Variants in KDM4C observed in about 807,000 individuals in gnomAD.
The protein encoded by KDM4C is lysine demethylase 4C.
KDM4C carries 81 observed loss-of-function variants against 129.3 expected under a neutral mutation model. That is an observed-to-expected ratio of 0.63 (90% confidence interval 0.52 to 0.75). The LOEUF is 0.75. Among genes scored for constraint, KDM4C ranks in the 30% least tolerant of loss-of-function variants. The pLI is 0.00. For synonymous variants in KDM4C, 573 were observed against 456.1 expected (o/e 1.26, Z -3.26); for missense variants, 1,457 against 1,304.0 (o/e 1.12, Z -1.81).
intron 8 of KDM4C, among the ~76,000 whole-genome samples, chr9:6,902,181 T>A (rs1281899960): frequency 6.6e-6 from 1 of 152,222 alleles, no homozygotes; most frequent in Admixed American, 6.5e-5. Context: ...GTGTAATGTT[T>A]TGTACATATA....
intron 1 of KDM4C, among the ~76,000 whole-genome samples, chr9:6,745,194 G>C (rs916569145): frequency 3.3e-5 from 5 of 152,168 alleles, no homozygotes; most frequent in Non-Finnish European, 7.3e-5. Flanking sequence ...TCTTTGTTAT[G>C]ATAATGTTCC....
intron 5 of KDM4C, among the ~76,000 whole-genome samples, chr9:6,860,668 C>G (rs1468533486): frequency 6.6e-6 from 1 of 152,196 alleles, no homozygotes; most frequent in African/African-American, 2.4e-5. Flanking sequence ...GACATAGAGT[C>G]TGAGCCCAGC....
At chr9:6,789,121 C>A (rs1368581504) in intron 1 of KDM4C, among the ~76,000 whole-genome samples, 1 of 150,730 alleles carries the variant, frequency 6.6e-6, no homozygotes, top group African/African-American at 2.4e-5. Context: ...ACAGTCTTGG[C>A]TCACTGCACC....
At chr9:6,831,064 C>G (rs1400190146) in intron 4 of KDM4C, among the ~76,000 whole-genome samples, 1 of 152,106 alleles carries the variant, frequency 6.6e-6, no homozygotes, top group East Asian at 1.9e-4. Context: ...CTCACTTTTC[C>G]TTTTGTTAGA....
intron 17 of KDM4C, among the ~76,000 whole-genome samples, chr9:7,084,852 T>C (rs1218933911): frequency 2.0e-5 from 3 of 152,194 alleles, no homozygotes; most frequent in Non-Finnish European, 4.4e-5. Flanking sequence ...CAAGAACATA[T>C]GGGTTCAAGT....
intron 8 of KDM4C, among the ~76,000 whole-genome samples, chr9:6,927,137 A>ATCTATCTATCTG (rs1200002537): frequency 1.0e-4 from 15 of 143,192 alleles, no homozygotes; most frequent in African/African-American, 3.9e-4. Flanking sequence ...CTATCTATCT[A>ATCTATCTATCTG]TCTGTTTTTT....
intron 1 of KDM4C, among the ~76,000 whole-genome samples, chr9:6,777,765 G>A (rs1377684002): frequency 6.6e-6 from 1 of 151,978 alleles, no homozygotes; most frequent in Non-Finnish European, 1.5e-5. Flanking sequence ...TTCTTAACAA[G>A]CCATCCTCTA....
At chr9:6,854,355 G>A (rs544235832) in intron 5 of KDM4C, among the ~76,000 whole-genome samples, 9 of 151,806 alleles carry the variant, frequency 5.9e-5, no homozygotes, top group Middle Eastern at 3.4e-3. Flanking sequence ...AAGAAACCCC[G>A]TCTCTACTAA....
rs568404728 is a variant in KDM4C, at chr9:6,820,895, A to G, written c.435+6150A>G. Among the ~76,000 whole-genome samples the G allele has an allele frequency of 4.2e-3, 269 of 63,938 alleles. 1 individual carries two copies. Among genetic ancestry groups the G allele is most frequent in the South Asian group, 0.019 (35 of 1,850 alleles). 41.9% of individuals were successfully genotyped at this position (63,938 alleles called of 152,430 possible). A position where few individuals can be genotyped will look rare whatever the true frequency, so the allele number is the denominator to read the frequency against. On this transcript the variant is annotated intron_variant, in intron 4 of 21. Coordinates refer to ENST00000381309, the MANE Select transcript of KDM4C (RefSeq NM_015061.6). Reference sequence around the variant, plus strand: ...AGCCCCCCAACCCCCGACAGGCCCCAGTGTGTGATGTTCCCTGCCCTGTGT... The same window carrying G: ...AGCCCCCCAACCCCCGACAGGCCCCGGTGTGTGATGTTCCCTGCCCTGTGT...
intron 1 of KDM4C, among the ~76,000 whole-genome samples, chr9:6,784,457 C>G (rs1006109677): frequency 6.6e-6 from 1 of 152,160 alleles, no homozygotes; most frequent in African/African-American, 2.4e-5. Flanking sequence ...GTTGTGAACT[C>G]CTGACCTCCA....
At chr9:6,799,139 C>T (rs1027577310) in intron 2 of KDM4C, among the ~76,000 whole-genome samples, 22 of 151,670 alleles carry the variant, frequency 1.5e-4, no homozygotes, top group Non-Finnish European at 2.6e-4. Context: ...CAGGCAGAGA[C>T]ACTCCTCACT....
intron 14 of KDM4C, among the ~76,000 whole-genome samples, chr9:7,014,662 C>A (rs942233301): frequency 5.0e-4 from 76 of 152,068 alleles, no homozygotes; most frequent in African/African-American, 1.8e-3. Flanking sequence ...CCAGATCTTA[C>A]CAAATCACAC....
At chr9:7,066,642 T>G (rs1485693458) in intron 17 of KDM4C, among the ~76,000 whole-genome samples, 3 of 152,234 alleles carry the variant, frequency 2.0e-5, no homozygotes, top group African/African-American at 7.2e-5. Flanking sequence ...TTTAAATTAT[T>G]CAGAGCTCAG....
chr9:7,018,458 C>G (rs894369070), intron 15 of KDM4C, among the ~76,000 whole-genome samples: 1 of 152,080 alleles, frequency 6.6e-6, no homozygotes, highest in African/African-American at 2.4e-5. Context: ...ACAAATATAT[C>G]AAGCTCTTAT....
At chr9:7,057,977 C>T (rs1413884285) in intron 17 of KDM4C, among the ~76,000 whole-genome samples, 1 of 152,190 alleles carries the variant, frequency 6.6e-6, no homozygotes, top group African/African-American at 2.4e-5. Context: ...TTGCATGGTA[C>T]AGCTGGGAGT....
chr9:7,153,853 A>G (rs1181110597), intron 19 of KDM4C, among the ~76,000 whole-genome samples: 1 of 152,222 alleles, frequency 6.6e-6, no homozygotes. Flanking sequence ...AGCTATGGGC[A>G]AGACCAGACC....
At chr9:7,093,800 A>G (rs1836093405) in intron 17 of KDM4C, among the ~76,000 whole-genome samples, 1 of 152,256 alleles carries the variant, frequency 6.6e-6, no homozygotes, top group Non-Finnish European at 1.5e-5. Flanking sequence ...AATTATAAGC[A>G]TAAATATTTT....
At chr9:7,013,763 C>G (rs1563982635) in intron 13 of KDM4C, 25 bp from the exon 14 acceptor site, 1 of 1,605,912 alleles carries the variant, frequency 6.2e-7, no homozygotes, top group South Asian at 1.1e-5. Context: ...GTTTTTCACT[C>G]ATGTGGAAAC....
chr9:7,059,245 G>T (rs560263541), intron 17 of KDM4C, among the ~76,000 whole-genome samples: 2 of 152,228 alleles, frequency 1.3e-5, no homozygotes, highest in Admixed American at 6.5e-5. Context: ...TATCTCCTGG[G>T]CTTAAGCGAT....
Sources: allele counts gnomAD v4.1 joint callset (sites outside exome capture counted in the v4.1 genomes callset), GRCh38; gene constraint gnomAD v4.1.1; transcripts MANE v1.5; gene names NCBI Gene and HGNC (gene_info 2026-07-23, HGNC 2026-07-21).